The following SLC37A3 variants were observed in gnomAD, a reference collection of about 807,000 sequenced individuals.
SLC37A3 encodes the protein sugar phosphate exchanger 3.
A neutral mutation model predicts 67.1 loss-of-function variants in SLC37A3; 51 were observed. The observed-to-expected ratio is 0.76, with a 90% CI of 0.61 to 0.96. The LOEUF is 0.96. Among genes scored for constraint, SLC37A3 ranks in the 40% least tolerant of loss-of-function variants. The probability of loss-of-function intolerance (pLI) is 0.00; values close to 1 mark genes in which losing one functional copy is unlikely to be tolerated. For synonymous variants in SLC37A3, 214 were observed against 231.4 expected, an observed-to-expected ratio of 0.92 and a Z score of 0.68; for missense variants, 508 against 603.0, an observed-to-expected ratio of 0.84 and a Z score of 1.65.
At chr7:140,361,477 C>T (rs1440905107) in intron 5 of SLC37A3, among the ~76,000 whole-genome samples, 11 of 140,006 alleles carry the variant, frequency 7.9e-5, no homozygotes, top group Non-Finnish European at 1.4e-4. Flanking sequence ...AGCAAAACTC[C>T]GGACACACAG....
In SLC37A3 at chr7:140,351,526, T is replaced by C. The variant is rs1292141149; in HGVS notation, c.704-75A>G. 8.6e-6 allele frequency: 12 copies of C among 1,400,302 alleles called. No individual in the cohort carries two copies. In the African/African-American group the frequency reaches 1.2e-4, roughly 13 times the overall value. The allele number at this position is 1,400,302 out of a possible 1,614,324, so 86.7% of individuals were successfully genotyped here. On this transcript the variant is annotated intron_variant, in intron 8 of 14. Transcript: ENST00000326232. ...AGGGCTCTGCATACATCCCTACTTA[T>C]GAGGTGATGTTATTTTTATTTCCAT...
chr7:140,348,915 A>G (rs1796686730), intron 9 of SLC37A3, 148 bp from the exon 10 acceptor site: 1 of 924,850 alleles, frequency 1.1e-6, no homozygotes, highest in African/African-American at 1.7e-5. Context: ...AAACTCCCAC[A>G]TGCCTGACTT....
chr7:140,365,313 G>A (rs1797554098), intron 4 of SLC37A3, among the ~76,000 whole-genome samples: 1 of 152,170 alleles, frequency 6.6e-6, no homozygotes, highest in Non-Finnish European at 1.5e-5. Context: ...TCTAAAACTT[G>A]GCTGGGCGTG....
In SLC37A3 at chr7:140,345,264, C is replaced by T; in HGVS notation, c.1127-1G>A. The T allele has an allele frequency of 6.2e-7, 1 of 1,613,814 alleles. No individual in the cohort carries two copies. Among genetic ancestry groups the T allele is most frequent in the Non-Finnish European group, 8.5e-7 (1 of 1,179,738 alleles). The stretch of plus-strand genomic sequence containing the variant: ...TTGATGGACTTATCATTTGGAGAAC[C>T]TGTGAGGGAAGACACAGACAAACCA... On this transcript the variant is annotated splice_acceptor_variant, in intron 11 of 14. Coordinates refer to ENST00000326232, the MANE Select transcript of SLC37A3 (RefSeq NM_207113.3). LOFTEE classifies it high-confidence loss of function.
At chr7:140,360,448 T>C (rs1299415411) in intron 5 of SLC37A3, among the ~76,000 whole-genome samples, 1 of 152,118 alleles carries the variant, frequency 6.6e-6, no homozygotes, top group Non-Finnish European at 1.5e-5. Context: ...TAGTCAGATA[T>C]GGAGGCTGGG....
At chr7:140,335,857 A>G (rs537340154) in intron 14 of SLC37A3, among the ~76,000 whole-genome samples, 10 of 152,374 alleles carry the variant, frequency 6.6e-5, no homozygotes, top group Admixed American at 3.3e-4. Context: ...AGTTCATCAC[A>G]AGATACTTCC....
Position 140,382,593 on chromosome 7 carries a change from C to T in SLC37A3, c.-67G>A. 7.1e-7 allele frequency: 1 copy of T among 1,400,018 alleles called. No individual in the cohort carries two copies. Among genetic ancestry groups the T allele is most frequent in the East Asian group, 2.3e-5 (1 of 43,840 alleles). The allele number at this position is 1,400,018 out of a possible 1,614,324, so 86.7% of individuals were successfully genotyped here. A position where few individuals can be genotyped will look rare whatever the true frequency, so the allele number is the denominator to read the frequency against. ...GGATGAGTGATTTACATCATTTCTT[C>T]CTTCTGGAAAGACAAAACACATTAT... On this transcript the variant is annotated 5_prime_UTR_variant, in exon 2 of 15. Coordinates refer to ENST00000326232, the MANE Select transcript of SLC37A3 (RefSeq NM_207113.3).
intron 5 of SLC37A3, among the ~76,000 whole-genome samples, chr7:140,363,690 T>TAAAA (rs1173376055): frequency 3.3e-5 from 1 of 30,594 alleles, no homozygotes; most frequent in Non-Finnish European, 7.5e-5. Flanking sequence ...GAATGATCAA[T>TAAAA]AAAAAAAAAA....
In SLC37A3 at chr7:140,351,351, T is replaced by A; in HGVS notation, c.804A>T (p.Ser268=). 6.2e-7 allele frequency: 1 copy of A among 1,614,214 alleles called. No individual in the cohort carries two copies. Among genetic ancestry groups the A allele is most frequent in the South Asian group, 1.1e-5 (1 of 91,090 alleles). ...ENEDEYEPNY[S]IQDDSSVAQV... Reference sequence around the variant, plus strand: ...GGGCAACAGAACTATCATCTTGGATTGAATAATTCGGCTCATATTCGTCTT... The same window carrying A: ...GGGCAACAGAACTATCATCTTGGATAGAATAATTCGGCTCATATTCGTCTT... The change falls in exon 9 of 15, where the codon TCA becomes TCT. Residue 268 remains serine, a synonymous_variant. Transcript: ENST00000326232.
At chr7:140,373,309 T>C (rs540474497) in intron 3 of SLC37A3, among the ~76,000 whole-genome samples, 93 of 152,274 alleles carry the variant, frequency 6.1e-4, no homozygotes, top group African/African-American at 2.2e-3. Flanking sequence ...GAATCACTTC[T>C]GATACCAAAG....
In SLC37A3 at chr7:140,355,546, C is replaced by T. The variant is rs979078967; in HGVS notation, c.618+122G>A. On this transcript the variant is annotated intron_variant, in intron 7 of 14. Transcript: ENST00000326232. ...TGTCTACTTTTAATACAAGCCTTGC[C>T]CTATCCAGACACAGTTCTACATAGT... is the stretch of plus-strand genomic sequence containing the variant. 3.5e-5 allele frequency: 31 copies of T among 896,374 alleles called. No homozygotes were observed. The Admixed American group carries it at 7.1e-4, about 20-fold the overall frequency. 55.5% of individuals were successfully genotyped at this position (896,374 alleles called of 1,614,324 possible).
intron 3 of SLC37A3, 190 bp downstream of exon 3, chr7:140,380,092 G>T: frequency 2.7e-6 from 1 of 367,828 alleles, no homozygotes; most frequent in South Asian, 5.7e-5. Flanking sequence ...AAACAAGCCG[G>T]CTGGAGAGGT....
intron 13 of SLC37A3, among the ~76,000 whole-genome samples, chr7:140,340,961 G>C (rs1448470345): frequency 6.6e-6 from 1 of 151,810 alleles, no homozygotes; most frequent in Admixed American, 6.6e-5. Context: ...AGAGAGCCAG[G>C]GTCTGGCTCT....
chr7:140,356,086 C>T (rs1797015302), intron 6 of SLC37A3, among the ~76,000 whole-genome samples: 1 of 151,210 alleles, frequency 6.6e-6, no homozygotes, highest in African/African-American at 2.4e-5. Context: ...CCCAGCTACT[C>T]GGAAGACTGA....
At chr7:140,374,389 C>T (rs1252034785) in intron 3 of SLC37A3, among the ~76,000 whole-genome samples, 1 of 150,206 alleles carries the variant, frequency 6.7e-6, no homozygotes, top group African/African-American at 2.4e-5. Flanking sequence ...TGCCACTACT[C>T]ATGAGACTGA....
intron 3 of SLC37A3, 154 bp downstream of exon 3, chr7:140,380,128 T>C: frequency 2.2e-6 from 1 of 449,592 alleles, no homozygotes; most frequent in Non-Finnish European, 4.0e-6. Flanking sequence ...CAGAGCAGGC[T>C]TTGAAATTAG....
chr7:140,380,034 C>G, intron 3 of SLC37A3: 1 of 271,698 alleles, frequency 3.7e-6, no homozygotes, highest in South Asian at 1.0e-4. Context: ...CTAACGAAAG[C>G]CAGTGAAAAA....
chr7:140,380,320 G>A lies in SLC37A3; in HGVS notation c.160C>T (p.Pro54Ser). The stretch of plus-strand genomic sequence containing the variant: ...TCAACTGACGTGTTAAAAGCACTTG[G>A]GGTCCACTGCTCAGAGATACTGACT... ...VKVSISEQWT[P>S]SAFNTSVELP... is the part of the protein sequence containing the mutation. Residue 54 changes from proline (P) to serine (S), a missense_variant, in exon 3 of 15, where the codon CCA becomes TCA. Physicochemically the swap from Pro to Ser is moderately conservative, Grantham distance 74. Transcript: ENST00000326232. The A allele has an allele frequency of 3.1e-6, 5 of 1,613,350 alleles. No individual in the cohort carries two copies. The highest frequency in any genetic ancestry group is 3.4e-6 in the Non-Finnish European group (4 of 1,179,460).
At position 140,398,521 on chromosome 7, in the gene SLC37A3, A is replaced by T. The variant is rs950086283; in HGVS notation, c.-176T>A. On this transcript the variant is annotated 5_prime_UTR_variant, in exon 1 of 15. Transcript: ENST00000326232. Reference sequence around the variant, plus strand: ...CCGCCAGCTCACCCCTGGCGGTGCGACCAGGGTTTCCGGACGCCCACGTGA... The same window carrying T: ...CCGCCAGCTCACCCCTGGCGGTGCGTCCAGGGTTTCCGGACGCCCACGTGA... 6.6e-6 allele frequency: 1 copy of T among 151,926 alleles called. No individual in the cohort carries two copies. The highest frequency in any genetic ancestry group is 1.5e-5 in the Non-Finnish European group (1 of 68,010). The allele number at this position is 151,926 out of a possible 1,614,324, so 9.4% of individuals were successfully genotyped here.
Sources: allele counts gnomAD v4.1 joint callset (sites outside exome capture counted in the v4.1 genomes callset), GRCh38; gene constraint gnomAD v4.1.1; transcripts MANE v1.5; gene names NCBI Gene and HGNC (gene_info 2026-07-23, HGNC 2026-07-21).